Variants in CDH12 observed in about 807,000 individuals in gnomAD.
CDH12 encodes cadherin 12.
CDH12 carries 41 observed loss-of-function variants against 74.1 expected under a neutral mutation model. The ratio of observed to expected loss-of-function variants is 0.55; its 90% CI spans 0.43 to 0.72. The LOEUF (loss-of-function observed/expected upper bound fraction) is 0.72, where lower values mean the gene tolerates loss of function less well. Ranked by LOEUF, CDH12 falls within the 30% of genes least tolerant of loss-of-function variation. The pLI, the probability that CDH12 is intolerant of heterozygous loss-of-function variation, is 0.00. For missense variants in CDH12, 945 were observed against 977.2 expected (o/e 0.97, Z 0.44); for synonymous variants, 399 against 355.0 (o/e 1.12, Z -1.39).
At chr5:21,847,114 AC>A (rs1750216337) in intron 7 of CDH12, among the ~76,000 whole-genome samples, 1 of 151,980 alleles carries the variant, frequency 6.6e-6, no homozygotes, top group African/African-American at 2.4e-5. Flanking sequence ...GAGTGTCCAC[AC>A]CTTTCAGAAT....
rs192819236 is a variant in CDH12 at position 22,069,377 on chromosome 5, C to G, written c.231+9069G>C. ...GGGGGTCTCTAGGAGACTAAAAATG[C>G]TCTGAATCAGCATCCAATATATGGC... On this transcript the variant is annotated intron_variant, in intron 5 of 14. Transcript: ENST00000382254. Among the ~76,000 whole-genome samples the G allele has an allele frequency of 3.1e-3, 473 of 152,216 alleles. 2 individuals are homozygous for G. Among genetic ancestry groups the G allele is most frequent in the Non-Finnish European group, 5.0e-3 (342 of 68,028 alleles).
chr5:22,279,298 T>C (rs1736772352), intron 3 of CDH12, among the ~76,000 whole-genome samples: 1 of 152,216 alleles, frequency 6.6e-6, no homozygotes, highest in East Asian at 1.9e-4. Flanking sequence ...ACCAAGTTAG[T>C]AACAATTAAT....
At chr5:22,390,743 G>A (rs896968189) in intron 3 of CDH12, among the ~76,000 whole-genome samples, 1 of 152,014 alleles carries the variant, frequency 6.6e-6, no homozygotes. Flanking sequence ...TTGTGGTCAC[G>A]AACACAAAAG....
At chr5:22,532,649 G>A (rs1737646797) in intron 1 of CDH12, among the ~76,000 whole-genome samples, 1 of 151,574 alleles carries the variant, frequency 6.6e-6, no homozygotes, top group Admixed American at 6.6e-5. Context: ...AGTATGCTGA[G>A]TCCTTCTTAA....
At chr5:21,961,876 C>G (rs1314590628) in intron 6 of CDH12, among the ~76,000 whole-genome samples, 2 of 152,052 alleles carry the variant, frequency 1.3e-5, no homozygotes, top group African/African-American at 2.4e-5. Flanking sequence ...TATAAATGTT[C>G]AATCCATTTA....
chr5:22,246,918 G>T (rs922123904), intron 3 of CDH12, among the ~76,000 whole-genome samples: 1 of 151,984 alleles, frequency 6.6e-6, no homozygotes, highest in Non-Finnish European at 1.5e-5. Flanking sequence ...AACAAAGTTG[G>T]CATTGTTTGA....
At chr5:22,838,342 C>A (rs1176266274) in intron 1 of CDH12, among the ~76,000 whole-genome samples, 1 of 152,140 alleles carries the variant, frequency 6.6e-6, no homozygotes, top group Non-Finnish European at 1.5e-5. Context: ...TTGACTGGTT[C>A]ACCTGCACCC....
chr5:22,411,013 G>T (rs2126472282), intron 2 of CDH12, among the ~76,000 whole-genome samples: 1 of 152,022 alleles, frequency 6.6e-6, no homozygotes, highest in African/African-American at 2.4e-5. Context: ...AGAGGAAAAA[G>T]AACATAATTT....
chr5:22,342,620 T>G (rs1451952002), intron 3 of CDH12, among the ~76,000 whole-genome samples: 1 of 111,254 alleles, frequency 9.0e-6, no homozygotes, highest in East Asian at 3.1e-4. Flanking sequence ...TTTTCTTTCT[T>G]TCCTTTTCTA....
In CDH12 at chr5:22,036,698, AAAT is replaced by A; in HGVS notation, c.231+41745_231+41747del. Reference sequence around the variant, plus strand: ...TCTTTCTTTGTCATCTGGAAATAGAAAATATTACTAGCTTTTAGGGTCTATAAA... The same window carrying A: ...TCTTTCTTTGTCATCTGGAAATAGAAATTACTAGCTTTTAGGGTCTATAAA... On this transcript the variant is annotated intron_variant, in intron 5 of 14. Transcript: ENST00000382254. 3.3e-5 allele frequency among the ~76,000 whole-genome samples: 5 copies of A among 152,334 alleles called. No homozygotes were observed. The Middle Eastern group carries it at 0.017, about 518-fold the overall frequency.
intron 3 of CDH12, among the ~76,000 whole-genome samples, chr5:22,394,087 T>C (rs146139045): frequency 1.3e-5 from 2 of 152,240 alleles, no homozygotes; most frequent in African/African-American, 4.8e-5. Flanking sequence ...TTGCAAAGAA[T>C]ACTACAATTA....
intron 9 of CDH12, among the ~76,000 whole-genome samples, chr5:21,805,605 TC>T (rs1747385164): frequency 6.6e-6 from 1 of 152,060 alleles, no homozygotes; most frequent in Non-Finnish European, 1.5e-5. Flanking sequence ...TTTTAGGCAA[TC>T]CCACTTGACA....
chr5:22,302,156 G>A (rs1737912235), intron 3 of CDH12, among the ~76,000 whole-genome samples: 1 of 151,730 alleles, frequency 6.6e-6, no homozygotes, highest in Admixed American at 6.6e-5. Context: ...TCAGACATAA[G>A]GTCAATAAAA....
At chr5:22,639,786 C>T (rs571808464) in intron 1 of CDH12, among the ~76,000 whole-genome samples, 1 of 152,194 alleles carries the variant, frequency 6.6e-6, no homozygotes, top group East Asian at 1.9e-4. Flanking sequence ...CAGAGTAGAA[C>T]ATGAAACATT....
intron 1 of CDH12, among the ~76,000 whole-genome samples, chr5:22,562,314 C>T (rs1049752613): frequency 6.7e-6 from 1 of 149,394 alleles, no homozygotes; most frequent in Non-Finnish European, 1.5e-5. Flanking sequence ...GAGACTCCGT[C>T]TCAAAAACAA....
chr5:22,513,441 C>T (rs1043503488), intron 1 of CDH12, among the ~76,000 whole-genome samples: 1 of 152,110 alleles, frequency 6.6e-6, no homozygotes, highest in Non-Finnish European at 1.5e-5. Flanking sequence ...TGTCTCCCAG[C>T]TTTCACTGAA....
intron 2 of CDH12, among the ~76,000 whole-genome samples, chr5:22,476,199 T>C (rs1210589276): frequency 6.6e-6 from 1 of 152,130 alleles, no homozygotes; most frequent in Non-Finnish European, 1.5e-5. Flanking sequence ...AACGTTGATA[T>C]TAATTTCAGT....
rs34114097 is a variant in CDH12, at chr5:22,261,788, CAAA to C, written c.-332-49148_-332-49146del. On this transcript the variant is annotated intron_variant, in intron 3 of 14. Transcript: ENST00000382254. ...GATAGCTCTAGGAGAGAAAGAAAGC[CAAA>C]AAAAAAAAAAAAATACATGGCTTTT... Among the ~76,000 whole-genome samples the C allele has an allele frequency of 3.0e-3, 439 of 144,422 alleles. 1 individual carries two copies. The highest frequency in any genetic ancestry group is 0.021 in the East Asian group (103 of 4,910). 94.7% of individuals were successfully genotyped at this position (144,422 alleles called of 152,430 possible).
At chr5:21,875,518 G>C (rs997457050) in intron 6 of CDH12, among the ~76,000 whole-genome samples, 156 of 5,724 alleles carry the variant, frequency 0.027, no homozygotes, top group African/African-American at 0.088. Flanking sequence ...CCAAAATGAA[G>C]ATTAATCTTT....
Sources: gnomAD v4.1 joint callset for allele counts (sites outside exome capture counted in the v4.1 genomes callset) on GRCh38, gnomAD v4.1.1 for gene constraint, MANE v1.5 for transcripts, NCBI Gene and HGNC (gene_info 2026-07-23, HGNC 2026-07-21) for gene names.